The following SHLD1 variants were observed in gnomAD, a reference collection of about 807,000 sequenced individuals.
The protein encoded by SHLD1 is RINN1-REV7-interacting novel NHEJ regulator 3.
Under a neutral mutation model 5.5 loss-of-function variants are expected in SHLD1, and 3 were observed. The ratio of observed to expected loss-of-function variants is 0.54; its 90% CI spans 0.25 to 1.40. SHLD1 has a LOEUF of 1.40. Ranked by LOEUF, SHLD1 falls within the 40% of genes most tolerant of loss-of-function variation. The probability of loss-of-function intolerance (pLI) is 0.15; values close to 1 mark genes in which losing one functional copy is unlikely to be tolerated. For synonymous variants in SHLD1, 92 were observed against 94.3 expected (o/e 0.98, Z 0.14); for missense variants, 210 against 244.4 (o/e 0.86, Z 0.94).
chr20:5,804,335 A>G (rs1046757390), intron 2 of SHLD1, among the ~76,000 whole-genome samples: 2 of 124,318 alleles, frequency 1.6e-5, no homozygotes, highest in African/African-American at 7.0e-5. Flanking sequence ...AGACATTTGT[A>G]TATCGCAAAA....
At chr20:5,763,290 C>CAAAAAA (rs57863188) in intron 1 of SHLD1, among the ~76,000 whole-genome samples, 39 of 57,874 alleles carry the variant, frequency 6.7e-4, no homozygotes, top group Middle Eastern at 9.4e-3. Context: ...AACTCCATCT[C>CAAAAAA]AAAAAAAAAA....
chr20:5,793,584 A>T (rs1289271358), intron 2 of SHLD1, among the ~76,000 whole-genome samples: 1 of 152,194 alleles, frequency 6.6e-6, no homozygotes, highest in African/African-American at 2.4e-5. Context: ...ATTTCTTAGT[A>T]TTTTTAAAAG....
intron 2 of SHLD1, among the ~76,000 whole-genome samples, chr20:5,824,329 A>G (rs1310082455): frequency 6.6e-6 from 1 of 152,170 alleles, no homozygotes; most frequent in Non-Finnish European, 1.5e-5. Context: ...TTCCCCATCC[A>G]ACCTGGGCCT....
intron 2 of SHLD1, among the ~76,000 whole-genome samples, chr20:5,850,338 C>A (rs1346309893): frequency 1.3e-5 from 2 of 151,736 alleles, no homozygotes; most frequent in South Asian, 2.1e-4. Flanking sequence ...AACCCCATTT[C>A]TTCCTCTCTT....
chr20:5,771,464 A>G (rs1214667511), intron 1 of SHLD1, among the ~76,000 whole-genome samples: 1 of 152,178 alleles, frequency 6.6e-6, no homozygotes, highest in African/African-American at 2.4e-5. Context: ...CACTTGTTTC[A>G]GGGGATCCTT....
At position 5,817,132 on chromosome 20, in the gene SHLD1, CTTGT is replaced by C. The variant is rs527294355; in HGVS notation, c.178+44095_178+44098del. ...TTATAATATTAGCTGCTTTCACGTC[CTTGT>C]TTGTTAATTCCATCATCTTTATCAT... On this transcript the variant is annotated intron_variant, in intron 2 of 2. Transcript: ENST00000303142. 3.3e-5 allele frequency among the ~76,000 whole-genome samples: 5 copies of C among 152,108 alleles called. No homozygotes were observed. In the East Asian group the frequency reaches 9.7e-4, roughly 29 times the overall value.
At chr20:5,827,536 A>G (rs2122429580) in intron 2 of SHLD1, among the ~76,000 whole-genome samples, 1 of 151,296 alleles carries the variant, frequency 6.6e-6, no homozygotes, top group East Asian at 2.0e-4. Flanking sequence ...AGTCTGGCCC[A>G]CCTGCCTTCA....
intron 2 of SHLD1, among the ~76,000 whole-genome samples, chr20:5,790,745 C>T (rs1324267322): frequency 6.6e-6 from 1 of 151,972 alleles, no homozygotes; most frequent in Non-Finnish European, 1.5e-5. Flanking sequence ...TGAGCCACCA[C>T]GCCTGGCCAA....
Position 5,863,543 on chromosome 20 carries a change from A to C in SHLD1, c.*80A>C. On this transcript the variant is annotated 3_prime_UTR_variant, in exon 3 of 3. Coordinates refer to ENST00000303142, the MANE Select transcript of SHLD1 (RefSeq NM_152504.4). ...GTGTTGGTGGCCACCCAGATCCCCT[A>C]GGGTCTCTGGCCAGCTCTGTGTGCC... 1.4e-6 allele frequency: 2 copies of C among 1,402,814 alleles called. No individual in the cohort carries two copies. The highest frequency in any genetic ancestry group is 1.9e-6 in the Non-Finnish European group (2 of 1,030,608). 86.9% of individuals were successfully genotyped at this position (1,402,814 alleles called of 1,614,324 possible).
intron 2 of SHLD1, among the ~76,000 whole-genome samples, chr20:5,859,686 G>A (rs1342039718): frequency 2.0e-5 from 3 of 152,188 alleles, no homozygotes; most frequent in Non-Finnish European, 4.4e-5. Flanking sequence ...TGGTAGTAAA[G>A]CAAATTTTAA....
intron 2 of SHLD1, among the ~76,000 whole-genome samples, chr20:5,851,488 T>A: frequency 6.8e-6 from 1 of 146,414 alleles, no homozygotes. Flanking sequence ...GAGACCCCTG[T>A]CTCCTTAAAA....
chr20:5,805,691 C>T (rs2087364315), intron 2 of SHLD1, among the ~76,000 whole-genome samples: 1 of 152,138 alleles, frequency 6.6e-6, no homozygotes, highest in South Asian at 2.1e-4. Flanking sequence ...ACCTCTGCCT[C>T]CTGGGTTCAA....
Position 5,811,123 on chromosome 20 carries a change from T to C in SHLD1, c.178+38080T>C, listed in dbSNP as rs2038893087. ...GGGGTGATCGATGCCAAGTATTTGA[T>C]CCATATAGTAATCCTGCAGCCAGGC... On this transcript the variant is annotated intron_variant, in intron 2 of 2. Coordinates refer to ENST00000303142, the MANE Select transcript of SHLD1 (RefSeq NM_152504.4). 1.3e-5 allele frequency among the ~76,000 whole-genome samples: 2 copies of C among 152,128 alleles called. 1 individual carries two copies. Among genetic ancestry groups the C allele is most frequent in the South Asian group, 4.1e-4 (2 of 4,826 alleles).
At chr20:5,754,522 A>T (rs1382323011) in intron 1 of SHLD1, among the ~76,000 whole-genome samples, 1 of 152,166 alleles carries the variant, frequency 6.6e-6, no homozygotes, top group Non-Finnish European at 1.5e-5. Flanking sequence ...AAAAAAGCCA[A>T]ACTCTGTAAA....
At chr20:5,786,584 A>G (rs6107694) in intron 2 of SHLD1, among the ~76,000 whole-genome samples, 83,484 of 134,540 alleles carry the variant, frequency 0.62, 23,787 homozygotes, top group East Asian at 0.82. Context: ...CTTTTAAATT[A>G]AAAAAAAAAA....
At chr20:5,759,494 C>A (rs1053170633) in intron 1 of SHLD1, among the ~76,000 whole-genome samples, 2 of 152,038 alleles carry the variant, frequency 1.3e-5, no homozygotes, top group Non-Finnish European at 2.9e-5. Flanking sequence ...CTTCTGGCCC[C>A]AAGTGATCCA....
At chr20:5,772,158 G>A (rs1985203866) in intron 1 of SHLD1, 1 of 453,758 alleles carries the variant, frequency 2.2e-6, no homozygotes, top group Admixed American at 2.4e-5. Context: ...TTACAGGTAT[G>A]AGCCAGTGTG....
intron 2 of SHLD1, among the ~76,000 whole-genome samples, chr20:5,777,162 T>C (rs1164898097): frequency 6.6e-6 from 1 of 152,064 alleles, no homozygotes; most frequent in Admixed American, 6.6e-5. Flanking sequence ...CTAATATTTA[T>C]ATTTTTAGTA....
chr20:5,863,356 C>T lies in SHLD1; in HGVS notation c.511C>T (p.Pro171Ser). 6.2e-7 allele frequency: 1 copy of T among 1,614,212 alleles called. No individual in the cohort carries two copies. The highest frequency in any genetic ancestry group is 2.2e-5 in the East Asian group (1 of 44,890). The change falls in exon 3 of 3, where the codon CCA becomes TCA. Residue 171 changes from proline to serine, a missense_variant. Coordinates refer to ENST00000303142, the MANE Select transcript of SHLD1 (RefSeq NM_152504.4). ...GCATTCCAGGGACACCCACTTCTAC[C>T]CACTGGAGGAAGGAAGTACATCTTT... ...QRHSRDTHFY[P>S]LEEGSTSLDD... is the part of the protein sequence containing the mutation.
Sources: allele counts gnomAD v4.1 joint callset (sites outside exome capture counted in the v4.1 genomes callset), GRCh38; gene constraint gnomAD v4.1.1; transcripts MANE v1.5; gene names NCBI Gene and HGNC (gene_info 2026-07-23, HGNC 2026-07-21).